The following XRRA1 variants were observed in gnomAD, a reference collection of about 807,000 sequenced individuals.
XRRA1 encodes the protein X-ray radiation resistance associated 1, also known as X-ray radiation resistance-associated protein 1.
In XRRA1, 69 loss-of-function variants were observed where a neutral mutation model predicts 80.2. That is an observed-to-expected ratio of 0.86 (90% confidence interval 0.71 to 1.05). The LOEUF is 1.05. Ranked by LOEUF, XRRA1 falls within the 50% of genes least tolerant of loss-of-function variation. XRRA1 has a pLI of 0.00. For missense variants in XRRA1, 967 were observed against 976.4 expected, an observed-to-expected ratio of 0.99 and a Z score of 0.13; for synonymous variants, 348 against 389.9, an observed-to-expected ratio of 0.89 and a Z score of 1.27.
intron 10 of XRRA1, among the ~76,000 whole-genome samples, chr11:74,895,349 C>T (rs1045014072): frequency 5.9e-5 from 9 of 152,214 alleles, no homozygotes; most frequent in Non-Finnish European, 1.0e-4. Flanking sequence ...TCAGCTGGTG[C>T]TGGTGCACAG....
At chr11:74,939,871 AAG>A (rs376199147) in intron 3 of XRRA1, among the ~76,000 whole-genome samples, 52 of 150,166 alleles carry the variant, frequency 3.5e-4, no homozygotes, top group African/African-American at 1.1e-3. Flanking sequence ...GAGCGAGAGC[AAG>A]AGAGAGAGAG....
At chr11:74,914,582 T>A (rs935858501) in intron 8 of XRRA1, among the ~76,000 whole-genome samples, 18 of 152,166 alleles carry the variant, frequency 1.2e-4, no homozygotes, top group African/African-American at 4.3e-4. Flanking sequence ...CTACTGTCCC[T>A]TTTCCCTCTC....
intron 10 of XRRA1, among the ~76,000 whole-genome samples, chr11:74,864,386 T>C (rs1490987548): frequency 6.6e-6 from 1 of 152,190 alleles, no homozygotes; most frequent in Non-Finnish European, 1.5e-5. Flanking sequence ...AACCCACTCA[T>C]GTCCCCTCAC....
intron 3 of XRRA1, among the ~76,000 whole-genome samples, chr11:74,939,830 TGAGA>T (rs1373516080): frequency 1.4e-5 from 2 of 140,274 alleles, no homozygotes; most frequent in African/African-American, 5.3e-5. Flanking sequence ...TGTCTGTGTG[TGAGA>T]GAGTGACATA....
intron 12 of XRRA1, among the ~76,000 whole-genome samples, chr11:74,852,847 T>A (rs913781258): frequency 6.6e-6 from 1 of 151,892 alleles, no homozygotes; most frequent in African/African-American, 2.4e-5. Flanking sequence ...GGGTCAGGAG[T>A]CAGGCAGTGG....
At chr11:74,937,328 C>T (rs1246692673) in intron 3 of XRRA1, among the ~76,000 whole-genome samples, 1 of 152,110 alleles carries the variant, frequency 6.6e-6, no homozygotes, top group Non-Finnish European at 1.5e-5. Flanking sequence ...GAATGACTTG[C>T]CGAATTCCTT....
intron 7 of XRRA1, among the ~76,000 whole-genome samples, chr11:74,924,056 G>C (rs1361997933): frequency 6.6e-6 from 1 of 151,718 alleles, no homozygotes; most frequent in Admixed American, 6.6e-5. Flanking sequence ...TTCCCAGGCT[G>C]GTCTTGAACC....
At chr11:74,882,906 C>T (rs1435731615) in intron 10 of XRRA1, among the ~76,000 whole-genome samples, 1 of 152,210 alleles carries the variant, frequency 6.6e-6, no homozygotes, top group Admixed American at 6.5e-5. Flanking sequence ...AACCACTGCT[C>T]TCTTCAAAGC....
chr11:74,899,399 A>G (rs897258639), intron 10 of XRRA1, among the ~76,000 whole-genome samples: 6 of 152,192 alleles, frequency 3.9e-5, no homozygotes, highest in Admixed American at 3.3e-4. Flanking sequence ...AAGAAAAGAG[A>G]TAATAAATAT....
At chr11:74,919,085 C>T (rs1939800649) in intron 8 of XRRA1, 1 of 152,350 alleles carries the variant, frequency 6.6e-6, no homozygotes, top group African/African-American at 2.4e-5. Flanking sequence ...TTAGCTCTTC[C>T]ATCCCTTCTA....
At chr11:74,931,131 C>CGTGTGT (rs61614618) in intron 5 of XRRA1, among the ~76,000 whole-genome samples, 7,406 of 149,294 alleles carry the variant, frequency 0.05, 263 homozygotes, top group Middle Eastern at 0.071. Context: ...TATGCTTATA[C>CGTGTGT]GTGTGTGTGT....
intron 16 of XRRA1, among the ~76,000 whole-genome samples, chr11:74,844,557 A>G (rs1320873974): frequency 6.6e-6 from 1 of 152,190 alleles, no homozygotes; most frequent in Non-Finnish European, 1.5e-5. Flanking sequence ...GGCTGGCTCC[A>G]ATGTGACCCC....
At chr11:74,860,417 C>T (rs566504873) in intron 11 of XRRA1, among the ~76,000 whole-genome samples, 169 of 152,298 alleles carry the variant, frequency 1.1e-3, no homozygotes, top group Non-Finnish European at 1.6e-3. Flanking sequence ...TACTGCAGTA[C>T]AGAAAAGGAA....
intron 8 of XRRA1, chr11:74,910,133 T>C (rs1224706580): frequency 6.6e-6 from 1 of 152,242 alleles, no homozygotes; most frequent in African/African-American, 2.4e-5. Context: ...AGCAAGTACT[T>C]ACATTACGAC....
rs754364824 is a variant in XRRA1, at chr11:74,862,961, A to G, written c.1044+20T>C. On this transcript the variant is annotated intron_variant, in intron 11 of 18. Coordinates refer to ENST00000684022, the MANE Select transcript of XRRA1 (RefSeq NM_001378157.1). ...AATGTTCTAACTCAGGAACACAAAT[A>G]TAAAGTAGTCAGTTCCTACCTCTGA... 3 of 1,573,766 alleles carry G rather than the reference A, an allele frequency of 1.9e-6. No homozygotes were observed. The Admixed American group carries it at 5.4e-5, about 28-fold the overall frequency.
chr11:74,940,584 G>A (rs186664060), intron 3 of XRRA1, among the ~76,000 whole-genome samples: 16 of 152,330 alleles, frequency 1.1e-4, no homozygotes, highest in African/African-American at 3.8e-4. Context: ...AGTTAGCAAT[G>A]AGAAGTCACT....
rs1046165383 is a variant in XRRA1 at position 74,844,025 on chromosome 11, C to T, written c.2044-66G>A. 5 of 1,508,704 alleles carry T rather than the reference C, an allele frequency of 3.3e-6. No homozygotes were observed. The African/African-American group carries it at 6.9e-5, about 21-fold the overall frequency. 93.5% of individuals were successfully genotyped at this position (1,508,704 alleles called of 1,614,324 possible). ...TGCACAGACTTCCCTGGCCTAACTT[C>T]ATACAGTCACAGCAACAGGCTGGGG... On this transcript the variant is annotated intron_variant, in intron 17 of 18. Coordinates refer to ENST00000684022, the MANE Select transcript of XRRA1 (RefSeq NM_001378157.1).
rs1284611326 is a variant in XRRA1 at position 74,889,473 on chromosome 11, G to T, written c.1003+16766C>A. On this transcript the variant is annotated intron_variant, in intron 10 of 18. Coordinates refer to ENST00000684022, the MANE Select transcript of XRRA1 (RefSeq NM_001378157.1). ...CATGCCAAATTGTAAAGACTATCGA[G>T]GCTAGGAAGAAACTGCATCAACTAA... is the stretch of plus-strand genomic sequence containing the variant. Among the ~76,000 whole-genome samples the T allele has an allele frequency of 1.2e-4, 19 of 152,248 alleles. No homozygotes were observed. The South Asian group carries it at 1.7e-3, about 13-fold the overall frequency.
rs567678177 is a variant in XRRA1, at chr11:74,918,062, T to C, written c.656+3152A>G. Among the ~76,000 whole-genome samples, 143 of 152,054 alleles carry C rather than the reference T, an allele frequency of 9.4e-4. 1 individual carries two copies. The highest frequency in any genetic ancestry group is 3.4e-3 in the African/African-American group (139 of 41,486). The stretch of plus-strand genomic sequence containing the variant: ...TGTCTTTTAGTCTTTTAATGAAGAC[T>C]ACAGCAACCCAGTAAAAGCAGGACC... On this transcript the variant is annotated intron_variant, in intron 8 of 18. Coordinates refer to ENST00000684022, the MANE Select transcript of XRRA1 (RefSeq NM_001378157.1).
Sources: allele counts gnomAD v4.1 joint callset (sites outside exome capture counted in the v4.1 genomes callset), GRCh38; gene constraint gnomAD v4.1.1; transcripts MANE v1.5; gene names NCBI Gene and HGNC (gene_info 2026-07-23, HGNC 2026-07-21).